Variants in TCTN1 observed in about 807,000 individuals in gnomAD.
TCTN1 encodes tectonic family member 1.
Under a neutral mutation model 65.8 loss-of-function variants are expected in TCTN1, and 58 were observed. The ratio of observed to expected loss-of-function variants is 0.88; its 90% CI spans 0.71 to 1.10. The LOEUF is 1.10. TCTN1 is among the 50% of genes least tolerant of loss of function. The pLI is 0.00. For missense variants in TCTN1, 645 were observed against 719.4 expected (o/e 0.90, Z 1.18); for synonymous variants, 273 against 289.1 (o/e 0.94, Z 0.57).
At chr12:110,626,986 G>A (rs1335427499) in intron 3 of TCTN1, among the ~76,000 whole-genome samples, 6 of 151,240 alleles carry the variant, frequency 4.0e-5, no homozygotes, top group Non-Finnish European at 7.4e-5. Context: ...TGGTCAGGCT[G>A]GTCTTGAACT....
intron 11 of TCTN1, among the ~76,000 whole-genome samples, chr12:110,643,068 ATT>A (rs372810344): frequency 2.9e-5 from 4 of 139,232 alleles, no homozygotes; most frequent in Non-Finnish European, 1.6e-5. Context: ...ATATTTTTGA[ATT>A]TTTTTTTTTT....
intron 10 of TCTN1, 152 bp downstream of exon 10, chr12:110,641,779 C>A: frequency 5.2e-6 from 4 of 769,384 alleles, no homozygotes; most frequent in Non-Finnish European, 8.7e-6. Flanking sequence ...TGGTGGGCGG[C>A]CAGTCTGGCT....
chr12:110,616,748 G>A (rs976026492), intron 1 of TCTN1: 3 of 152,402 alleles, frequency 2.0e-5, no homozygotes, highest in African/African-American at 7.2e-5. Context: ...CTAATTTTAG[G>A]ACACGCAACT....
At chr12:110,643,615 A>C (rs1026780779) in intron 11 of TCTN1, 1 of 152,074 alleles carries the variant, frequency 6.6e-6, no homozygotes, top group African/African-American at 2.4e-5. Flanking sequence ...TGACCCACAC[A>C]CTTCCCACAT....
chr12:110,644,677 A>C lies in TCTN1; in HGVS notation c.1332-290A>C. 1 of 405,874 alleles carries C rather than the reference A, an allele frequency of 2.5e-6. No individual in the cohort carries two copies. Among genetic ancestry groups the C allele is most frequent in the Non-Finnish European group, 4.6e-6 (1 of 215,774 alleles). 25.1% of individuals were successfully genotyped at this position (405,874 alleles called of 1,614,324 possible). On this transcript the variant is annotated intron_variant, in intron 11 of 14. Transcript: ENST00000397659. This position sits in a 1 kb window ranked among gnomAD's most constrained non-coding sequence, Gnocchi z 4.6. Reference sequence around the variant, plus strand: ...TGGGCAACAGAGCAAACTCCATCTCAAAACAAAACAAAAAAACCAAAAATC... The same window carrying C: ...TGGGCAACAGAGCAAACTCCATCTCCAAACAAAACAAAAAAACCAAAAATC...
intron 2 of TCTN1, among the ~76,000 whole-genome samples, 181 bp from the exon 3 acceptor site, chr12:110,626,179 CCT>C (rs1235857292): frequency 6.6e-6 from 1 of 151,658 alleles, no homozygotes; most frequent in Non-Finnish European, 1.5e-5. Flanking sequence ...AGCTCTGCCT[CCT>C]GGGTTCATGC....
rs372639511 is a variant in TCTN1, at chr12:110,647,911, G to A, written c.*1+18G>A. ...TGTTTGACGTAAGTGAGGAAACTAC[G>A]CCCCTCCTCTGAGGTCATCCCCTTT... On this transcript the variant is annotated intron_variant, in intron 14 of 14. Transcript: ENST00000397659. 3.5e-4 allele frequency: 570 copies of A among 1,612,284 alleles called. 1 individual carries two copies. The highest frequency in any genetic ancestry group is 4.9e-4 in the South Asian group (45 of 91,016).
intron 12 of TCTN1, chr12:110,646,801 G>T (rs758624964): frequency 8.1e-6 from 2 of 248,356 alleles, no homozygotes; most frequent in South Asian, 9.4e-5. Context: ...ATCAGGTTTT[G>T]TCTGCTAATA....
At position 110,634,688 on chromosome 12, in the gene TCTN1, C is replaced by T. The variant is rs755179366; in HGVS notation, c.731C>T (p.Ala244Val). The change falls in exon 6 of 15, where the codon GCT becomes GTT. Residue 244 changes from alanine (A) to valine (V), a missense_variant. Transcript: ENST00000397659. ...NNPAAFLVNQ[A>V]VKCTRKINLE... ...TTTCTAGCGTTTCTGGTGAACCAGG[C>T]TGTTAAGTGCACCAGAAAAATAAAT... is the stretch of plus-strand genomic sequence containing the variant. The T allele has an allele frequency of 6.2e-7, 1 of 1,609,886 alleles. No homozygotes were observed. Among genetic ancestry groups the T allele is most frequent in the East Asian group, 2.2e-5 (1 of 44,850 alleles).
At position 110,634,702 on chromosome 12, in the gene TCTN1, A is replaced by G; in HGVS notation, c.745A>G (p.Arg249Gly). The G allele has an allele frequency of 6.2e-7, 1 of 1,611,968 alleles. No individual in the cohort carries two copies. The highest frequency in any genetic ancestry group is 8.5e-7 in the Non-Finnish European group (1 of 1,178,996). Residue 249 changes from arginine to glycine, a missense_variant, in exon 6 of 15, where the codon AGA (arginine) becomes GGA (glycine). By Grantham distance (125) the Arg-to-Gly change is moderately radical (BLOSUM62 -2). Transcript: ENST00000397659. ...GGTGAACCAGGCTGTTAAGTGCACC[A>G]GAAAAATAAATTTAGAACAGTGTGA... ...FLVNQAVKCT[R>G]KINLEQCEEI... is the part of the protein sequence containing the mutation.
intron 3 of TCTN1, chr12:110,628,231 G>T: frequency 6.5e-7 from 1 of 1,535,592 alleles, no homozygotes. Context: ...ACTTGTAAGT[G>T]CTACAAACTA....
chr12:110,636,373 A>G, intron 6 of TCTN1, 108 bp from the exon 7 acceptor site: 1 of 743,266 alleles, frequency 1.3e-6, no homozygotes, highest in East Asian at 2.8e-5. Flanking sequence ...TTCTTTGTGA[A>G]GCCTTTAATA....
chr12:110,614,357 G>A lies in TCTN1; in HGVS notation c.175G>A (p.Ala59Thr), dbSNP rs1043058821. 1.2e-6 allele frequency: 2 copies of A among 1,606,982 alleles called. No individual in the cohort carries two copies. Among genetic ancestry groups the A allele is most frequent in the Non-Finnish European group, 1.7e-6 (2 of 1,177,466 alleles). The stretch of plus-strand genomic sequence containing the variant: ...GACCAGGCCCCCCGGGACTCCCAGG[G>A]CTCCAGGGCCCTCCTCCGGCCCCAG... ...PSTRPPGTPR[A>T]PGPSSGPRPT... The change falls in exon 1 of 15, where the codon GCT becomes ACT. Residue 59 changes from alanine (A) to threonine (T), a missense_variant. Coordinates refer to ENST00000397659, the MANE Select transcript of TCTN1 (RefSeq NM_001082538.3).
chr12:110,626,413 T>C lies in TCTN1; in HGVS notation c.393T>C (p.Phe131=), dbSNP rs372651396. Residue 131 remains phenylalanine (F), a synonymous_variant, in exon 3 of 15, where the codon TTT becomes TTC. Coordinates refer to ENST00000397659, the MANE Select transcript of TCTN1 (RefSeq NM_001082538.3). ...AAGCAGTCATCTATTCATTGAATTT[T>C]ACAGCAAACCCACCTCAAAGAGTAT... The part of the protein sequence containing the change: ...SQKAVIYSLN[F]TANPPQRVFE... 16 of 1,607,714 alleles carry C rather than the reference T, an allele frequency of 1.0e-5. No homozygotes were observed. The African/African-American group carries it at 2.1e-4, about 21-fold the overall frequency.
chr12:110,619,736 T>C (rs2065285542), intron 1 of TCTN1, 100 bp from the exon 2 acceptor site: 1 of 1,583,036 alleles, frequency 6.3e-7, no homozygotes, highest in South Asian at 1.1e-5. Flanking sequence ...ATAAAATGGA[T>C]CTTTTTTATG....
intron 13 of TCTN1, 21 bp from the exon 14 acceptor site, chr12:110,647,728 G>A (rs776813323): frequency 6.2e-7 from 1 of 1,613,452 alleles, no homozygotes; most frequent in Non-Finnish European, 8.5e-7. Flanking sequence ...GGTGGGCCTT[G>A]CATCTCTCTG....
chr12:110,645,990 C>G (rs1041542708), intron 12 of TCTN1: 2 of 152,168 alleles, frequency 1.3e-5, no homozygotes, highest in African/African-American at 2.4e-5. Context: ...ACTCTCCCAC[C>G]AGAACCAGGC....
chr12:110,624,355 A>G (rs918221935), intron 2 of TCTN1, among the ~76,000 whole-genome samples: 1 of 151,856 alleles, frequency 6.6e-6, no homozygotes, highest in Non-Finnish European at 1.5e-5. Context: ...TTAGTACTAC[A>G]GGCATCTGCC....
In TCTN1 at chr12:110,640,252, T is replaced by C. The variant is rs1270328363; in HGVS notation, c.844-131T>C. On this transcript the variant is annotated intron_variant, in intron 7 of 14. Transcript: ENST00000397659. The surrounding 1 kb of genome is among the most constrained non-coding windows in gnomAD (Gnocchi z 4.9). ...TTTTGCAAATGTGGATCATAGTATA[T>C]ACACTGTTGTGTAGCATGCTTCCCC... The C allele has an allele frequency of 2.9e-6, 3 of 1,036,966 alleles. 1 individual carries two copies. Among genetic ancestry groups the C allele is most frequent in the African/African-American group, 1.6e-5 (1 of 63,486 alleles). 64.2% of individuals were successfully genotyped at this position (1,036,966 alleles called of 1,614,324 possible).
Sources: gnomAD v4.1 joint callset for allele counts (sites outside exome capture counted in the v4.1 genomes callset) on GRCh38, gnomAD v4.1.1 for gene constraint, Gnocchi (gnomAD v3.1) non-coding constraint, MANE v1.5 for transcripts, NCBI Gene and HGNC (gene_info 2026-07-23, HGNC 2026-07-21) for gene names.